The following COL21A1 variants were observed in gnomAD, a reference collection of about 807,000 sequenced individuals.
COL21A1 encodes the protein collagen type XXI alpha 1 chain.
COL21A1 carries 149 observed loss-of-function variants against 137.9 expected under a neutral mutation model. The ratio of observed to expected loss-of-function variants is 1.08; its 90% CI spans 0.95 to 1.24. The LOEUF is 1.24. Ranked by LOEUF, COL21A1 falls within the 50% of genes most tolerant of loss-of-function variation. COL21A1 has a pLI of 0.00. For missense variants in COL21A1, 1,167 were observed against 1,158.4 expected (o/e 1.01, Z -0.11); for synonymous variants, 456 against 391.5 (o/e 1.16, Z -1.95).
intron 17 of COL21A1, among the ~76,000 whole-genome samples, chr6:56,096,842 T>C: frequency 6.6e-6 from 1 of 152,170 alleles, no homozygotes; most frequent in East Asian, 1.9e-4. Context: ...TAGAGCCAAG[T>C]CATTTATTAC....
chr6:56,178,959 T>C (rs929757811), intron 3 of COL21A1, among the ~76,000 whole-genome samples: 37 of 152,180 alleles, frequency 2.4e-4, no homozygotes, highest in African/African-American at 8.2e-4. Flanking sequence ...AGAATATTCA[T>C]TTTTGTCATT....
chr6:56,379,141 A>G (rs1447269442), intron 1 of COL21A1, among the ~76,000 whole-genome samples: 1 of 152,232 alleles, frequency 6.6e-6, no homozygotes, highest in Non-Finnish European at 1.5e-5. Context: ...GAAGACTACA[A>G]TAAATACCTA....
chr6:56,135,419 C>A (rs1773919756), intron 12 of COL21A1, among the ~76,000 whole-genome samples: 1 of 151,774 alleles, frequency 6.6e-6, no homozygotes, highest in Non-Finnish European at 1.5e-5. Context: ...AGTATCATTT[C>A]TAAACTATAC....
intron 1 of COL21A1, among the ~76,000 whole-genome samples, chr6:56,362,763 G>A (rs1428319483): frequency 3.3e-5 from 5 of 152,026 alleles, no homozygotes; most frequent in Admixed American, 2.6e-4. Flanking sequence ...CTACCACCTA[G>A]GCCCCTCTGT....
At chr6:56,110,485 T>C (rs1771327613) in intron 16 of COL21A1, among the ~76,000 whole-genome samples, 1 of 151,822 alleles carries the variant, frequency 6.6e-6, no homozygotes, top group Non-Finnish European at 1.5e-5. Flanking sequence ...GAGGGCTTGT[T>C]TAGTGAATAA....
intron 1 of COL21A1, among the ~76,000 whole-genome samples, chr6:56,289,557 A>C (rs191829880): frequency 1.3e-5 from 2 of 152,336 alleles, no homozygotes; most frequent in Non-Finnish European, 2.9e-5. Flanking sequence ...AGAAAAGCCC[A>C]TAGTAAATGC....
At chr6:56,276,990 A>ATTTTTG (rs1451870082) in intron 1 of COL21A1, among the ~76,000 whole-genome samples, 1 of 150,296 alleles carries the variant, frequency 6.7e-6, no homozygotes, top group African/African-American at 2.5e-5. Context: ...TTTTATTTTT[A>ATTTTTG]TTTTTATTTT....
chr6:56,158,007 G>A (rs1775884489), intron 9 of COL21A1, among the ~76,000 whole-genome samples: 1 of 152,170 alleles, frequency 6.6e-6, no homozygotes, highest in South Asian at 2.1e-4. Context: ...CCAATGGCCA[G>A]TACTGACCAT....
intron 24 of COL21A1, among the ~76,000 whole-genome samples, 194 bp from the exon 25 acceptor site, chr6:56,061,875 A>C (rs1168325866): frequency 6.6e-6 from 1 of 152,148 alleles, no homozygotes. Flanking sequence ...TGACTGAATA[A>C]TATAAAAATT....
At chr6:56,100,421 C>G (rs1216320209) in intron 17 of COL21A1, among the ~76,000 whole-genome samples, 2 of 151,718 alleles carry the variant, frequency 1.3e-5, no homozygotes, top group Non-Finnish European at 2.9e-5. Flanking sequence ...CACAACAACC[C>G]TATGAAGTAA....
At chr6:56,083,335 C>T (rs4612164) in intron 17 of COL21A1, among the ~76,000 whole-genome samples, 83,476 of 151,730 alleles carry the variant, frequency 0.55, 23,293 homozygotes, top group East Asian at 0.79. Context: ...GTTTACAGCC[C>T]CAAGGAATCT....
At chr6:56,321,943 T>G in intron 1 of COL21A1, among the ~76,000 whole-genome samples, 1 of 152,080 alleles carries the variant, frequency 6.6e-6, no homozygotes. Context: ...TTTTGAAGCG[T>G]CATCTTCTCT....
intron 10 of COL21A1, among the ~76,000 whole-genome samples, chr6:56,147,708 C>T (rs1774944258): frequency 6.6e-6 from 1 of 151,982 alleles, no homozygotes; most frequent in Non-Finnish European, 1.5e-5. Context: ...TAATATATAT[C>T]TAAGTAATCT....
chr6:56,250,877 G>T (rs1192973669), upstream of COL21A1, among the ~76,000 whole-genome samples: 2 of 152,052 alleles, frequency 1.3e-5, 1 homozygote, highest in Non-Finnish European at 2.9e-5. Flanking sequence ...TACTTGTATG[G>T]CTTTAAATGT....
chr6:56,322,431 A>G (rs1764890926), intron 1 of COL21A1, among the ~76,000 whole-genome samples: 2 of 152,142 alleles, frequency 1.3e-5, no homozygotes, highest in South Asian at 4.1e-4. Context: ...TTCCACAACC[A>G]GGAGAATGCA....
intron 1 of COL21A1, among the ~76,000 whole-genome samples, chr6:56,317,441 T>C (rs1764764024): frequency 6.6e-6 from 1 of 152,162 alleles, no homozygotes; most frequent in Non-Finnish European, 1.5e-5. Flanking sequence ...CCCTAGGTGA[T>C]TCCTCCTCAG....
chr6:56,333,658 T>C (rs938446492), intron 1 of COL21A1, among the ~76,000 whole-genome samples: 1 of 152,098 alleles, frequency 6.6e-6, no homozygotes, highest in African/African-American at 2.4e-5. Flanking sequence ...AGTAATTGAA[T>C]GGCTGGATCA....
intron 17 of COL21A1, among the ~76,000 whole-genome samples, chr6:56,097,392 G>C (rs1024907872): frequency 6.6e-6 from 1 of 151,928 alleles, no homozygotes; most frequent in Non-Finnish European, 1.5e-5. Flanking sequence ...TTTGAACTTG[G>C]TAATTTAGTT....
At chr6:56,077,836 A>C in intron 17 of COL21A1, 1 of 411,070 alleles carries the variant, frequency 2.4e-6, no homozygotes, top group South Asian at 2.5e-5. Flanking sequence ...CAGTTCTTGC[A>C]CCCCAACACA....
Sources: allele counts gnomAD v4.1 joint callset (sites outside exome capture counted in the v4.1 genomes callset), GRCh38; gene constraint gnomAD v4.1.1; transcripts MANE v1.5; gene names NCBI Gene and HGNC (gene_info 2026-07-23, HGNC 2026-07-21).